The following DLC1 variants were observed in gnomAD, a reference collection of about 807,000 sequenced individuals.
DLC1 encodes DLC1 Rho GTPase activating protein, also known as rho GTPase-activating protein 7.
In DLC1, 54 loss-of-function variants were observed where a neutral mutation model predicts 140.3. The observed-to-expected ratio is 0.38, with a 90% CI of 0.31 to 0.48. DLC1 has a LOEUF of 0.48. DLC1 is among the 20% of genes least tolerant of loss of function. DLC1 has a pLI of 0.96. For synonymous variants in DLC1, 986 were observed against 728.1 expected, an observed-to-expected ratio of 1.35 and a Z score of -5.70; for missense variants, 2,536 against 1,907.0, an observed-to-expected ratio of 1.33 and a Z score of -6.14.
At chr8:13,143,842 G>GAGAGAGAGAGAGAC (rs1186637665) in intron 5 of DLC1, among the ~76,000 whole-genome samples, 1 of 146,154 alleles carries the variant, frequency 6.8e-6, no homozygotes, top group Non-Finnish European at 1.5e-5. Flanking sequence ...GAGAGAGAGA[G>GAGAGAGAGAGAGAC]AGAGAGAGAG....
At chr8:13,428,888 C>G (rs866467862) in intron 2 of DLC1, among the ~76,000 whole-genome samples, 1 of 152,134 alleles carries the variant, frequency 6.6e-6, no homozygotes, top group Non-Finnish European at 1.5e-5. Flanking sequence ...ATAGAAGAGA[C>G]CTAAGTAGAC....
chr8:13,420,440 T>G lies in DLC1; in HGVS notation c.1024-18821A>C, dbSNP rs571223721. ...AAGTTCTGGGATACATGTGCAAACTTGCAGGTTTGTTACATAGGTATACAT... is the reference window on the plus strand; with the variant it reads ...AAGTTCTGGGATACATGTGCAAACTGGCAGGTTTGTTACATAGGTATACAT... On this transcript the variant is annotated intron_variant, in intron 2 of 17. Transcript: ENST00000276297. Among the ~76,000 whole-genome samples, 5 of 152,304 alleles carry G rather than the reference T, an allele frequency of 3.3e-5. No homozygotes were observed. The South Asian group carries it at 8.3e-4, about 25-fold the overall frequency.
intron 5 of DLC1, among the ~76,000 whole-genome samples, chr8:13,292,393 A>C (rs1036691959): frequency 1.3e-5 from 2 of 152,246 alleles, no homozygotes; most frequent in African/African-American, 4.8e-5. Flanking sequence ...AGTCAAGGTC[A>C]CAAGTTAGAC....
intron 5 of DLC1, among the ~76,000 whole-genome samples, chr8:13,203,776 T>C (rs1174415734): frequency 6.6e-6 from 1 of 152,216 alleles, no homozygotes; most frequent in Non-Finnish European, 1.5e-5. Flanking sequence ...TCTTGTCTTT[T>C]ACTTGCAAAA....
upstream of DLC1, among the ~76,000 whole-genome samples, chr8:13,517,842 A>G (rs947811935): frequency 6.6e-6 from 1 of 152,234 alleles, no homozygotes; most frequent in Admixed American, 6.5e-5. Flanking sequence ...CTTAGCTTCC[A>G]TAACTAAGAA....
intron 5 of DLC1, among the ~76,000 whole-genome samples, chr8:13,268,461 C>T (rs986839252): frequency 2.6e-5 from 4 of 152,058 alleles, no homozygotes; most frequent in African/African-American, 9.7e-5. Flanking sequence ...ACTACAGGCG[C>T]GCAGCCTCAA....
intron 2 of DLC1, among the ~76,000 whole-genome samples, chr8:13,484,225 G>A (rs1002393385): frequency 3.3e-5 from 5 of 152,132 alleles, no homozygotes; most frequent in African/African-American, 9.7e-5. Context: ...GAGAATAAAG[G>A]AAATGGATAT....
At chr8:13,595,149 C>T in intron 1 of DLC1, among the ~76,000 whole-genome samples, 1 of 151,982 alleles carries the variant, frequency 6.6e-6, no homozygotes, top group East Asian at 1.9e-4. Context: ...CAGTCACAAG[C>T]ATTAAGATTA....
chr8:13,258,432 G>T (rs1464464814), intron 5 of DLC1, among the ~76,000 whole-genome samples: 1 of 152,150 alleles, frequency 6.6e-6, no homozygotes, highest in Non-Finnish European at 1.5e-5. Flanking sequence ...TCTAAAAATA[G>T]TTACCCATAT....
At chr8:13,567,473 G>A in intron 1 of DLC1, 1 of 1,552,106 alleles carries the variant, frequency 6.4e-7, no homozygotes, top group Non-Finnish European at 8.7e-7. Flanking sequence ...GCTTCAGAGA[G>A]AGATGCCTTT....
chr8:13,486,275 T>C (rs1415320149), intron 2 of DLC1, among the ~76,000 whole-genome samples: 2 of 152,226 alleles, frequency 1.3e-5, no homozygotes, highest in Non-Finnish European at 2.9e-5. Flanking sequence ...CCATTCCATT[T>C]TGCTTTAAAA....
intron 4 of DLC1, among the ~76,000 whole-genome samples, chr8:13,371,004 C>T (rs1835701872): frequency 6.6e-6 from 1 of 152,132 alleles, no homozygotes. Context: ...AGCCCTGCCA[C>T]ACCATACGAA....
In DLC1 at chr8:13,309,154, C is replaced by A. The variant is rs148626410; in HGVS notation, c.1315-3852G>T. ...ATATGTTTCATTTGAACTGCATCCT[C>A]AGGAAGTGATTTAACATTTCTTGCA... On this transcript the variant is annotated intron_variant, in intron 4 of 17. Coordinates refer to ENST00000276297, the MANE Select transcript of DLC1 (RefSeq NM_182643.3). 3.9e-5 allele frequency among the ~76,000 whole-genome samples: 6 copies of A among 152,302 alleles called. 1 individual carries two copies. The highest frequency in any genetic ancestry group is 1.4e-4 in the African/African-American group (6 of 41,556).
intron 1 of DLC1, among the ~76,000 whole-genome samples, chr8:13,599,847 A>T (rs76960322): frequency 0.015 from 2,356 of 152,066 alleles, 73 homozygotes; most frequent in African/African-American, 0.054. Flanking sequence ...AAAAATTTTT[A>T]TATGATAACT....
In DLC1 at chr8:13,099,657, G is replaced by A. The variant is rs1818834351; in HGVS notation, c.2680C>T (p.Leu894=). Residue 894 remains leucine (L), a synonymous_variant, in exon 9 of 18, where the codon CTG becomes TTG. Coordinates refer to ENST00000276297, the MANE Select transcript of DLC1 (RefSeq NM_182643.3). ...GSILYSSSGD[L]ADLENEDIFP... ...ATGTCCTCGTTCTCCAGATCCGCCA[G>A]GTCCCCTGAACTGGAGTAGAGGATG... is the stretch of plus-strand genomic sequence containing the variant. The A allele has an allele frequency of 6.2e-7, 1 of 1,614,082 alleles. No individual in the cohort carries two copies. The highest frequency in any genetic ancestry group is 1.1e-5 in the South Asian group (1 of 91,082).
chr8:13,481,635 G>T (rs960392096), intron 2 of DLC1, among the ~76,000 whole-genome samples: 6 of 152,092 alleles, frequency 3.9e-5, no homozygotes, highest in Admixed American at 3.3e-4. Flanking sequence ...TTACAGCCCC[G>T]TTGTACTGTT....
chr8:13,332,080 C>A (rs2116947278), intron 4 of DLC1, among the ~76,000 whole-genome samples: 1 of 152,280 alleles, frequency 6.6e-6, no homozygotes, highest in African/African-American at 2.4e-5. Context: ...ACCTCTAAGT[C>A]ACATACAGTA....
At chr8:13,328,640 G>A (rs997504664) in intron 4 of DLC1, among the ~76,000 whole-genome samples, 1 of 152,076 alleles carries the variant, frequency 6.6e-6, no homozygotes, top group African/African-American at 2.4e-5. Flanking sequence ...AAGTTTGAGG[G>A]TATCTGAAGC....
At position 13,395,004 on chromosome 8, in the gene DLC1, T is replaced by TTCTATCTATCTATCTATCTATCTA. The variant is rs57872249; in HGVS notation, c.1174-1335_1174-1312dup. On this transcript the variant is annotated intron_variant, in intron 3 of 17. Transcript: ENST00000276297. Reference sequence around the variant, plus strand: ...TCTTTGCTTGCTAATCTACTACATATTCTATCTATCTATCTATCTATCTAT... The same window carrying TTCTATCTATCTATCTATCTATCTA: ...TCTTTGCTTGCTAATCTACTACATATTCTATCTATCTATCTATCTATCTATCTATCTATCTATCTATCTATCTAT... Among the ~76,000 whole-genome samples the TTCTATCTATCTATCTATCTATCTA allele has an allele frequency of 6.2e-3, 625 of 100,854 alleles. 6 individuals are homozygous for TTCTATCTATCTATCTATCTATCTA. The highest frequency in any genetic ancestry group is 7.2e-3 in the Non-Finnish European group (378 of 52,306). 66.2% of individuals were successfully genotyped at this position (100,854 alleles called of 152,430 possible).
Sources: allele counts gnomAD v4.1 joint callset (sites outside exome capture counted in the v4.1 genomes callset), GRCh38; gene constraint gnomAD v4.1.1; transcripts MANE v1.5; gene names NCBI Gene and HGNC (gene_info 2026-07-23, HGNC 2026-07-21).